The following ADGRB3 variants were observed in gnomAD, a reference collection of about 807,000 sequenced individuals.
ADGRB3 encodes brain-specific angiogenesis inhibitor 3.
ADGRB3 carries 37 observed loss-of-function variants against 193.4 expected under a neutral mutation model. The ratio of observed to expected loss-of-function variants is 0.19; its 90% CI spans 0.15 to 0.25. ADGRB3 has a LOEUF of 0.25. ADGRB3 is among the 10% of genes least tolerant of loss of function. The probability of loss-of-function intolerance (pLI) is 1.00; values close to 1 mark genes in which losing one functional copy is unlikely to be tolerated. For missense variants in ADGRB3, 1,637 were observed against 1,852.9 expected (o/e 0.88, Z 2.14); for synonymous variants, 690 against 644.2 (o/e 1.07, Z -1.08).
intron 3 of ADGRB3, among the ~76,000 whole-genome samples, chr6:68,862,491 C>T (rs546454395): frequency 1.8e-4 from 27 of 152,298 alleles, no homozygotes; most frequent in African/African-American, 6.3e-4. Context: ...TACTCTCCTG[C>T]AATCTTCATA....
chr6:69,013,111 G>T (rs145207960), intron 11 of ADGRB3, among the ~76,000 whole-genome samples: 2 of 152,068 alleles, frequency 1.3e-5, no homozygotes, highest in East Asian at 3.9e-4. Context: ...AGGCACGCTG[G>T]TTGTTCTCTC....
rs987253678 is a variant in ADGRB3 at position 68,871,568 on chromosome 6, T to G, written c.758-58991T>G. 2.6e-5 allele frequency among the ~76,000 whole-genome samples: 4 copies of G among 152,266 alleles called. No individual in the cohort carries two copies. In the South Asian group the frequency reaches 8.3e-4, roughly 32 times the overall value. ...TGATAAGCTTATTTGCCACAAAGTT[T>G]AACATGTGTGTTCCCAAATGTCCTT... On this transcript the variant is annotated intron_variant, in intron 3 of 31. Coordinates refer to ENST00000370598, the MANE Select transcript of ADGRB3 (RefSeq NM_001704.3).
At chr6:68,793,438 C>T (rs1767147376) in intron 3 of ADGRB3, among the ~76,000 whole-genome samples, 1 of 151,984 alleles carries the variant, frequency 6.6e-6, no homozygotes, top group Non-Finnish European at 1.5e-5. Context: ...TCTTTATATC[C>T]TTTCTAGTGT....
intron 3 of ADGRB3, among the ~76,000 whole-genome samples, chr6:68,672,615 C>T (rs2585593): frequency 0.42 from 63,164 of 151,732 alleles, 13,938 homozygotes; most frequent in African/African-American, 0.56. Flanking sequence ...TACAGGAGTG[C>T]GCAATATCTG....
chr6:68,848,499 G>A (rs472367), intron 3 of ADGRB3, among the ~76,000 whole-genome samples: 67,926 of 151,842 alleles, frequency 0.45, 16,517 homozygotes, highest in East Asian at 0.6. Context: ...CATACAAAAA[G>A]CAAGTGGCTA....
At chr6:69,363,077 C>T (rs149862290) in intron 29 of ADGRB3, among the ~76,000 whole-genome samples, 1 of 152,014 alleles carries the variant, frequency 6.6e-6, no homozygotes, top group East Asian at 1.9e-4. Flanking sequence ...GAAAATTTTG[C>T]TGGATTGATA....
chr6:69,006,672 AT>A (rs887097178), intron 11 of ADGRB3, among the ~76,000 whole-genome samples: 8 of 150,538 alleles, frequency 5.3e-5, no homozygotes, highest in Admixed American at 2.0e-4. Context: ...TGCCTAGCTA[AT>A]TTTTTTTTAT....
intron 17 of ADGRB3, among the ~76,000 whole-genome samples, chr6:69,119,179 C>A (rs184622328): frequency 1.3e-3 from 202 of 152,230 alleles, no homozygotes; most frequent in Admixed American, 4.3e-3. Context: ...TCTAACTGAG[C>A]TAAAGTTATT....
chr6:69,025,522 AC>A (rs1770406968), intron 13 of ADGRB3, among the ~76,000 whole-genome samples: 1 of 135,590 alleles, frequency 7.4e-6, no homozygotes, highest in Non-Finnish European at 1.6e-5. Flanking sequence ...ACACAATTTA[AC>A]TTTTTTTTTT....
rs1775466528 is a variant in ADGRB3 at position 69,177,756 on chromosome 6, C to CTTGGTA, written c.2481-55528_2481-55523dup. ...TAATAGTGTGTTTTTGAAATAACTT[C>CTTGGTA]TTGGTATTGGTTTTCATTTTTATTC... is the stretch of plus-strand genomic sequence containing the variant. On this transcript the variant is annotated intron_variant, in intron 17 of 31. Coordinates refer to ENST00000370598, the MANE Select transcript of ADGRB3 (RefSeq NM_001704.3). Among the ~76,000 whole-genome samples, 5 of 152,246 alleles carry CTTGGTA rather than the reference C, an allele frequency of 3.3e-5. No individual in the cohort carries two copies. In the South Asian group the frequency reaches 1.0e-3, roughly 32 times the overall value.
intron 17 of ADGRB3, among the ~76,000 whole-genome samples, chr6:69,145,546 C>A (rs1171924961): frequency 6.6e-6 from 1 of 152,194 alleles, no homozygotes; most frequent in Non-Finnish European, 1.5e-5. Context: ...GTTTCAGCTC[C>A]TTTTGTGTTA....
At chr6:68,680,515 G>A (rs1764876308) in intron 3 of ADGRB3, among the ~76,000 whole-genome samples, 1 of 152,106 alleles carries the variant, frequency 6.6e-6, no homozygotes, top group African/African-American at 2.4e-5. Context: ...TATTTGAACT[G>A]TGGTAGAGCT....
chr6:69,275,440 G>T (rs1203524927), intron 20 of ADGRB3, among the ~76,000 whole-genome samples: 1 of 152,122 alleles, frequency 6.6e-6, no homozygotes, highest in Non-Finnish European at 1.5e-5. Flanking sequence ...TTGGCCTAGA[G>T]ATTTTAACTA....
chr6:69,098,262 A>G (rs1302441911), intron 17 of ADGRB3, among the ~76,000 whole-genome samples: 1 of 152,198 alleles, frequency 6.6e-6, no homozygotes, highest in East Asian at 1.9e-4. Flanking sequence ...TGAATATCAG[A>G]CATAAATCAC....
intron 11 of ADGRB3, among the ~76,000 whole-genome samples, chr6:69,001,373 G>A (rs1196460350): frequency 1.3e-5 from 2 of 152,186 alleles, no homozygotes; most frequent in Admixed American, 6.5e-5. Flanking sequence ...AGATCATAAA[G>A]GCAGGAAAGT....
intron 3 of ADGRB3, among the ~76,000 whole-genome samples, chr6:68,905,939 C>T (rs1264143425): frequency 6.6e-6 from 1 of 151,740 alleles, no homozygotes; most frequent in Non-Finnish European, 1.5e-5. Flanking sequence ...AATGTCCTGA[C>T]CACCAATTTT....
chr6:69,134,325 C>A (rs975921465), intron 17 of ADGRB3, among the ~76,000 whole-genome samples: 1 of 152,134 alleles, frequency 6.6e-6, no homozygotes, highest in Non-Finnish European at 1.5e-5. Flanking sequence ...CTCCAGGAAG[C>A]ATTTCCTCAT....
chr6:68,718,320 C>A (rs1393894361), intron 3 of ADGRB3, among the ~76,000 whole-genome samples: 1 of 151,644 alleles, frequency 6.6e-6, no homozygotes, highest in African/African-American at 2.4e-5. Context: ...GCCCAGGAAT[C>A]TAAATTTTAA....
At chr6:69,272,546 G>A in intron 20 of ADGRB3, among the ~76,000 whole-genome samples, 1 of 152,160 alleles carries the variant, frequency 6.6e-6, no homozygotes, top group East Asian at 1.9e-4. Context: ...AAATGTATAG[G>A]GAAAGTAAAG....
Sources: gnomAD v4.1 joint callset for allele counts (sites outside exome capture counted in the v4.1 genomes callset) on GRCh38, gnomAD v4.1.1 for gene constraint, MANE v1.5 for transcripts, NCBI Gene and HGNC (gene_info 2026-07-23, HGNC 2026-07-21) for gene names.